The following MLLT3 variants were observed in gnomAD, a reference collection of about 807,000 sequenced individuals.
MLLT3 encodes the protein protein AF-9.
In MLLT3, 4 loss-of-function variants were observed where a neutral mutation model predicts 53.2. The observed-to-expected ratio is 0.08, with a 90% CI of 0.04 to 0.17. The LOEUF is 0.17. Among genes scored for constraint, MLLT3 ranks in the 10% least tolerant of loss-of-function variants. MLLT3 has a pLI of 1.00. For synonymous variants in MLLT3, 283 were observed against 230.6 expected, an observed-to-expected ratio of 1.23 and a Z score of -2.06; for missense variants, 569 against 684.0, an observed-to-expected ratio of 0.83 and a Z score of 1.87.
intron 5 of MLLT3, among the ~76,000 whole-genome samples, chr9:20,373,918 T>C (rs1821685014): frequency 6.7e-6 from 1 of 150,280 alleles, no homozygotes; most frequent in Non-Finnish European, 1.5e-5. Context: ...TAGGTTCTTC[T>C]CACAGTTTTG....
intron 2 of MLLT3, among the ~76,000 whole-genome samples, chr9:20,514,475 G>T (rs1318252159): frequency 1.3e-5 from 2 of 152,052 alleles, no homozygotes; most frequent in East Asian, 3.9e-4. Context: ...TCAACAAAAT[G>T]ATATGTAGCT....
intron 5 of MLLT3, among the ~76,000 whole-genome samples, chr9:20,383,223 A>G (rs1416152800): frequency 6.6e-6 from 1 of 151,994 alleles, no homozygotes; most frequent in Non-Finnish European, 1.5e-5. Flanking sequence ...GAGGAGCAGA[A>G]AACAAATGCA....
chr9:20,484,440 T>C (rs1022465530), intron 2 of MLLT3, among the ~76,000 whole-genome samples: 1 of 152,180 alleles, frequency 6.6e-6, no homozygotes, highest in African/African-American at 2.4e-5. Context: ...TCGCCTAATT[T>C]TTCCTCAATT....
At chr9:20,543,467 A>G (rs1818695993) in intron 2 of MLLT3, among the ~76,000 whole-genome samples, 1 of 152,226 alleles carries the variant, frequency 6.6e-6, no homozygotes, top group Non-Finnish European at 1.5e-5. Context: ...TCACATTCCC[A>G]TAACATATAT....
At chr9:20,596,951 G>A (rs1587115585) in intron 2 of MLLT3, among the ~76,000 whole-genome samples, 1 of 151,994 alleles carries the variant, frequency 6.6e-6, no homozygotes, top group Admixed American at 6.6e-5. Flanking sequence ...TATTTAAATA[G>A]TCCTCTATTT....
intron 2 of MLLT3, among the ~76,000 whole-genome samples, chr9:20,540,815 C>T (rs565791708): frequency 6.6e-6 from 1 of 152,334 alleles, no homozygotes; most frequent in Non-Finnish European, 1.5e-5. Flanking sequence ...GCTTCAATTC[C>T]TCCCCAGAAA....
intron 5 of MLLT3, among the ~76,000 whole-genome samples, chr9:20,367,252 C>T (rs972812112): frequency 6.6e-6 from 1 of 152,198 alleles, no homozygotes; most frequent in Non-Finnish European, 1.5e-5. Context: ...ACTCAGTTCT[C>T]TTCCTTCTCC....
At chr9:20,593,510 G>C (rs1280716403) in intron 2 of MLLT3, among the ~76,000 whole-genome samples, 1 of 152,186 alleles carries the variant, frequency 6.6e-6, no homozygotes, top group Non-Finnish European at 1.5e-5. Context: ...GTATAATAAA[G>C]CAGATCAGTT....
chr9:20,438,097 G>C (rs1174220849), intron 4 of MLLT3, among the ~76,000 whole-genome samples: 1 of 152,180 alleles, frequency 6.6e-6, no homozygotes, highest in Non-Finnish European at 1.5e-5. Flanking sequence ...GTGGCAGAAT[G>C]AGAGGTCAAG....
intron 10 of MLLT3, among the ~76,000 whole-genome samples, chr9:20,352,711 A>T (rs1318418047): frequency 2.6e-5 from 3 of 114,182 alleles, no homozygotes; most frequent in South Asian, 2.7e-4. Flanking sequence ...ATTAAATGTT[A>T]AAAAAAAAAA....
At chr9:20,363,410 C>G (rs1821372976) in intron 7 of MLLT3, 66 bp downstream of exon 7, 1 of 1,552,014 alleles carries the variant, frequency 6.4e-7, no homozygotes, top group East Asian at 2.4e-5. Flanking sequence ...CTGTGATTAT[C>G]CCAGCAGGGC....
At chr9:20,366,132 G>A (rs968761646) in intron 5 of MLLT3, among the ~76,000 whole-genome samples, 6 of 152,034 alleles carry the variant, frequency 3.9e-5, no homozygotes, top group African/African-American at 9.7e-5. Flanking sequence ...CATGTGCCAC[G>A]GTGGTTTACT....
At chr9:20,390,572 T>C (rs2118719541) in intron 5 of MLLT3, among the ~76,000 whole-genome samples, 1 of 152,332 alleles carries the variant, frequency 6.6e-6, no homozygotes, top group South Asian at 2.1e-4. Flanking sequence ...TTCCTGACCT[T>C]AGAGACTTTG....
chr9:20,615,878 A>C, intron 2 of MLLT3, among the ~76,000 whole-genome samples: 1 of 56,138 alleles, frequency 1.8e-5, no homozygotes, highest in African/African-American at 3.9e-5. Flanking sequence ...AGATTTGAAA[A>C]AAAAAAAAAA....
chr9:20,536,434 A>G (rs1316562616), intron 2 of MLLT3, among the ~76,000 whole-genome samples: 1 of 152,168 alleles, frequency 6.6e-6, no homozygotes, highest in Non-Finnish European at 1.5e-5. Flanking sequence ...CAAAAAGAGT[A>G]TACTGGGATT....
intron 2 of MLLT3, among the ~76,000 whole-genome samples, chr9:20,511,784 C>CT (rs1320307196): frequency 6.6e-6 from 1 of 152,132 alleles, no homozygotes; most frequent in African/African-American, 2.4e-5. Flanking sequence ...ACACACACCT[C>CT]TGCCTCTCCT....
chr9:20,619,397 TAAGCACC>T (rs1362738905), intron 2 of MLLT3, among the ~76,000 whole-genome samples: 1 of 150,512 alleles, frequency 6.6e-6, no homozygotes, highest in African/African-American at 2.4e-5. Flanking sequence ...GAAACAAAAC[TAAGCACC>T]AATACAAACC....
chr9:20,469,888 A>G (rs1824338080), intron 2 of MLLT3, among the ~76,000 whole-genome samples: 1 of 152,076 alleles, frequency 6.6e-6, no homozygotes, highest in African/African-American at 2.4e-5. Context: ...TAGGTACAAC[A>G]CAGATTAAAA....
chr9:20,498,266 A>ACAG (rs760352616), intron 2 of MLLT3, among the ~76,000 whole-genome samples: 14 of 98,284 alleles, frequency 1.4e-4, no homozygotes, highest in African/African-American at 5.0e-4. Context: ...AAAAAAAAAA[A>ACAG]GTTCTTCTAG....
Sources: allele counts gnomAD v4.1 joint callset (sites outside exome capture counted in the v4.1 genomes callset), GRCh38; gene constraint gnomAD v4.1.1; transcripts MANE v1.5; gene names NCBI Gene and HGNC (gene_info 2026-07-23, HGNC 2026-07-21).